Variants in ORC1 observed in about 807,000 individuals in gnomAD.
ORC1 encodes the protein origin recognition complex, subunit 1 homolog.
In ORC1, 61 loss-of-function variants were observed where a neutral mutation model predicts 98.9. That is an observed-to-expected ratio of 0.62 (90% CI 0.50 to 0.76). The LOEUF is 0.76. ORC1 is among the 30% of genes least tolerant of loss of function. The pLI, the probability that ORC1 is intolerant of heterozygous loss-of-function variation, is 0.00. For synonymous variants in ORC1, 385 were observed against 406.9 expected (o/e 0.95, Z 0.65); for missense variants, 979 against 1,072.2 (o/e 0.91, Z 1.21).
chr1:52,408,401 T>C, upstream of ORC1: 1 of 835,528 alleles, frequency 1.2e-6, no homozygotes, highest in Non-Finnish European at 2.0e-6. Flanking sequence ...AACTCAGGTC[T>C]CCATATTTTA....
At chr1:52,408,529 T>C, upstream of ORC1, 2 of 1,613,502 alleles carry the variant, frequency 1.2e-6, no homozygotes, top group African/African-American at 2.7e-5. Flanking sequence ...CTCAGGAACT[T>C]CTAGGATGGC....
At chr1:52,377,300 G>T (rs191597767) in intron 14 of ORC1, among the ~76,000 whole-genome samples, 1 of 151,200 alleles carries the variant, frequency 6.6e-6, no homozygotes, top group African/African-American at 2.4e-5. Flanking sequence ...TTTGAGAGAG[G>T]GTCTTGCTCT....
At chr1:52,393,402 G>A (rs754844624) in intron 6 of ORC1, 41 bp downstream of exon 6, 1 of 1,613,418 alleles carries the variant, frequency 6.2e-7, no homozygotes, top group East Asian at 2.2e-5. Context: ...CACGTGATGT[G>A]AAGGATTTCA....
At chr1:52,397,510 C>T (rs921238948) in intron 4 of ORC1, among the ~76,000 whole-genome samples, 175 bp downstream of exon 4, 5 of 152,152 alleles carry the variant, frequency 3.3e-5, no homozygotes, top group Non-Finnish European at 5.9e-5. Flanking sequence ...ACACATGATA[C>T]GTGCTCTCAA....
chr1:52,401,550 C>A (rs2147947661), intron 2 of ORC1, 61 bp from the exon 3 acceptor site: 5 of 1,590,626 alleles, frequency 3.1e-6, no homozygotes, highest in Admixed American at 1.7e-5. Context: ...CTCTTCAGAT[C>A]CCCTGGGCAC....
Position 52,376,323 on chromosome 1 carries a change from T to C in ORC1, c.2134-724A>G, listed in dbSNP as rs1646994260. ...TGAGGTCAGAAGTTTAAGACCAGCC[T>C]GACCAACATGGTGAAACCCTATCTC... On this transcript the variant is annotated intron_variant, in intron 14 of 16. Coordinates refer to ENST00000371568, the MANE Select transcript of ORC1 (RefSeq NM_004153.4). 3.3e-5 allele frequency among the ~76,000 whole-genome samples: 5 copies of C among 152,236 alleles called. No homozygotes were observed. The South Asian group carries it at 1.0e-3, about 32-fold the overall frequency.
chr1:52,385,977 A>T, intron 8 of ORC1, 28 bp from the exon 9 acceptor site: 2 of 1,572,738 alleles, frequency 1.3e-6, no homozygotes, highest in Non-Finnish European at 1.7e-6. Flanking sequence ...AACATATTTC[A>T]CAAGGAAAAA....
intron 7 of ORC1, 77 bp from the exon 8 acceptor site, chr1:52,388,714 T>A (rs1444453843): frequency 7.6e-6 from 10 of 1,310,834 alleles, no homozygotes; most frequent in South Asian, 7.1e-5. Flanking sequence ...TTAGTGTGGA[T>A]TACAAGTATT....
chr1:52,404,122 CA>C (rs1445428093), intron 1 of ORC1, 123 bp downstream of exon 1: 1 of 153,556 alleles, frequency 6.5e-6, no homozygotes, highest in Non-Finnish European at 1.5e-5. Flanking sequence ...TGGCACTGAA[CA>C]GGCGCTTGGT....
chr1:52,395,231 A>T (rs142894909), intron 5 of ORC1, among the ~76,000 whole-genome samples: 1 of 152,310 alleles, frequency 6.6e-6, no homozygotes, highest in East Asian at 1.9e-4. Context: ...TATCCAGTAT[A>T]CTACCCTTTT....
chr1:52,400,263 T>C (rs965413658), intron 3 of ORC1, among the ~76,000 whole-genome samples: 4 of 152,194 alleles, frequency 2.6e-5, no homozygotes, highest in African/African-American at 9.7e-5. Context: ...TAACCCTGTA[T>C]ATGCTATGAT....
Position 52,384,702 on chromosome 1 carries a change from C to T in ORC1, c.1603G>A (p.Val535Ile). ...GTGGCAGTCTTCCCTGTCCCAGGGA[C>T]ACCGGAGATGTACATGCACCTAGAG... Reference protein sequence around the residue: ...HTGGCMYISGVPGTGKTATVH... With the variant: ...HTGGCMYISGIPGTGKTATVH... Residue 535 changes from valine to isoleucine, a missense_variant, in exon 11 of 17, where the codon GTC (valine) becomes ATC (isoleucine). Coordinates refer to ENST00000371568, the MANE Select transcript of ORC1 (RefSeq NM_004153.4). 6.2e-7 allele frequency: 1 copy of T among 1,613,734 alleles called. No homozygotes were observed. Among genetic ancestry groups the T allele is most frequent in the Non-Finnish European group, 8.5e-7 (1 of 1,179,906 alleles).
intron 8 of ORC1, among the ~76,000 whole-genome samples, chr1:52,388,143 G>A (rs1258665689): frequency 1.3e-5 from 2 of 152,136 alleles, no homozygotes; most frequent in African/African-American, 4.8e-5. Context: ...CCAGTGCTCC[G>A]TGGGAAATGC....
rs1207269884 is a variant in ORC1, at chr1:52,373,057, G to C, written c.*124C>G. On this transcript the variant is annotated 3_prime_UTR_variant, in exon 17 of 17. Transcript: ENST00000371568. ...TGAGGTTGGGGGGTCACCTAAGCCT[G>C]AGAAGTCAAGGCTGCAGTGAGCCAT... 9.7e-7 allele frequency: 1 copy of C among 1,029,562 alleles called. No individual in the cohort carries two copies. Among genetic ancestry groups the C allele is most frequent in the African/African-American group, 1.6e-5 (1 of 63,796 alleles). The allele number at this position is 1,029,562 out of a possible 1,614,324, so 63.8% of individuals were successfully genotyped here.
At chr1:52,408,842 G>C (rs1261596832), upstream of ORC1, 12 of 918,662 alleles carry the variant, frequency 1.3e-5, no homozygotes, top group East Asian at 3.3e-4. Flanking sequence ...GTCCCTCATG[G>C]GAGTTTTCAG....
At chr1:52,383,973 A>G in intron 11 of ORC1, 36 bp from the exon 12 acceptor site, 1 of 1,529,902 alleles carries the variant, frequency 6.5e-7, no homozygotes, top group Non-Finnish European at 9.1e-7. Flanking sequence ...AGGAACTGTA[A>G]GGGTCTTACT....
chr1:52,381,155 G>C (rs1647064289), intron 14 of ORC1, among the ~76,000 whole-genome samples: 1 of 152,190 alleles, frequency 6.6e-6, no homozygotes, highest in Non-Finnish European at 1.5e-5. Context: ...ACTTGGAGGA[G>C]AGGGGCATCT....
rs1647381067 is a variant in ORC1, at chr1:52,396,103, G to A, written c.664C>T (p.Arg222Cys). ...GTAAGAGGATGGGTAGGAGTTTGGC[G>A]AGATTTGGAGGCGGAGTGCCTTGAT... is the stretch of plus-strand genomic sequence containing the variant. ...IESRHSASKS[R>C]QTPTHPLTPR... Residue 222 changes from arginine (R) to cysteine (C), a missense_variant, in exon 5 of 17, where the codon CGC becomes TGC. By Grantham distance (180) the Arg-to-Cys change is radical (BLOSUM62 -3). Coordinates refer to ENST00000371568, the MANE Select transcript of ORC1 (RefSeq NM_004153.4). 3 of 1,614,012 alleles carry A rather than the reference G, an allele frequency of 1.9e-6. No homozygotes were observed. The highest frequency in any genetic ancestry group is 2.2e-5 in the East Asian group (1 of 44,894).
chr1:52,393,845 A>G (rs1342095535), intron 5 of ORC1, 42 bp from the exon 6 acceptor site: 1 of 1,602,286 alleles, frequency 6.2e-7, no homozygotes, highest in Non-Finnish European at 8.5e-7. Context: ...TTACCTAACA[A>G]TATACAAACC....
Sources: allele counts gnomAD v4.1 joint callset (sites outside exome capture counted in the v4.1 genomes callset), GRCh38; gene constraint gnomAD v4.1.1; transcripts MANE v1.5; gene names NCBI Gene and HGNC (gene_info 2026-07-23, HGNC 2026-07-21).